ABI3BP: variants seen among roughly 807,000 people sequenced by gnomAD.
ABI3BP encodes the protein target of Nesh-SH3.
Under a neutral mutation model 268.6 loss-of-function variants are expected in ABI3BP, and 216 were observed. The observed-to-expected ratio is 0.80, with a 90% CI of 0.72 to 0.90. The LOEUF is 0.90. ABI3BP is among the 40% of genes least tolerant of loss of function. The pLI, the probability that ABI3BP is intolerant of heterozygous loss-of-function variation, is 0.00. For synonymous variants in ABI3BP, 730 were observed against 730.0 expected, an observed-to-expected ratio of 1.00 and a Z score of 0.00; for missense variants, 2,090 against 2,182.4, an observed-to-expected ratio of 0.96 and a Z score of 0.84.
At chr3:100,779,076 A>G (rs933913892) in intron 58 of ABI3BP, among the ~76,000 whole-genome samples, 1 of 152,194 alleles carries the variant, frequency 6.6e-6, no homozygotes, top group African/African-American at 2.4e-5. Context: ...TTTTAGTTTT[A>G]AATTGTTAAA....
intron 1 of ABI3BP, among the ~76,000 whole-genome samples, chr3:100,937,729 A>T (rs760806777): frequency 6.6e-6 from 1 of 152,076 alleles, no homozygotes; most frequent in African/African-American, 2.4e-5. Context: ...TGCTCTAAGA[A>T]CGGACAATGC....
chr3:100,762,217 A>G (rs2096007705), intron 63 of ABI3BP, among the ~76,000 whole-genome samples: 1 of 152,202 alleles, frequency 6.6e-6, no homozygotes, highest in Non-Finnish European at 1.5e-5. Context: ...TGGGTAGAAG[A>G]AACACAATGG....
intron 10 of ABI3BP, among the ~76,000 whole-genome samples, chr3:100,866,277 T>TC (rs919326436): frequency 1.3e-5 from 2 of 152,054 alleles, no homozygotes; most frequent in Admixed American, 1.3e-4. Flanking sequence ...GATTAATGCC[T>TC]CCCCCCTGGA....
chr3:100,902,767 A>G, intron 2 of ABI3BP, 81 bp from the exon 3 acceptor site: 1 of 1,154,376 alleles, frequency 8.7e-7, no homozygotes, highest in South Asian at 1.3e-5. Flanking sequence ...CTGATTCAGC[A>G]TTCCCTGAGT....
At chr3:100,776,457 G>A (rs945081045) in intron 59 of ABI3BP, among the ~76,000 whole-genome samples, 1 of 152,242 alleles carries the variant, frequency 6.6e-6, no homozygotes, top group Non-Finnish European at 1.5e-5. Flanking sequence ...TCATTCTGGT[G>A]AGGAGAGTGG....
At chr3:100,933,179 TTTATG>T (rs952744042) in intron 1 of ABI3BP, among the ~76,000 whole-genome samples, 4 of 151,972 alleles carry the variant, frequency 2.6e-5, no homozygotes, top group African/African-American at 9.7e-5. Flanking sequence ...CAATTATTAT[TTTATG>T]TTTTCAATGT....
At chr3:100,921,280 A>G (rs1330028461) in intron 2 of ABI3BP, among the ~76,000 whole-genome samples, 3 of 152,238 alleles carry the variant, frequency 2.0e-5, no homozygotes, top group African/African-American at 7.2e-5. Flanking sequence ...AGGATACTAA[A>G]GCAATTCTTC....
chr3:100,833,143 T>G lies in ABI3BP; in HGVS notation c.2296A>C (p.Thr766Pro). ...LQTKLDFGPI[T>P]PGTSSAPTTT... ...TCATTACCTGAAGATGTCCCAGGAG[T>G]AATAGGTCCAAAGTCTGTAGCAAGA... Residue 766 changes from threonine (T) to proline (P), a missense_variant, in exon 30 of 68, where the codon ACT becomes CCT. Thr to Pro is a conservative substitution (Grantham distance 38). Transcript: ENST00000471714. 1 of 1,534,526 alleles carries G rather than the reference T, an allele frequency of 6.5e-7. No homozygotes were observed. The highest frequency in any genetic ancestry group is 2.0e-5 in the Admixed American group (1 of 50,896).
intron 20 of ABI3BP, 76 bp from the exon 21 acceptor site, chr3:100,842,115 A>G (rs1191486705): frequency 3.2e-6 from 4 of 1,250,998 alleles, no homozygotes; most frequent in Non-Finnish European, 4.5e-6. Flanking sequence ...GTTCTTGACT[A>G]TAAACGGAGT....
intron 6 of ABI3BP, among the ~76,000 whole-genome samples, chr3:100,876,875 C>T (rs1370034114): frequency 6.6e-6 from 1 of 151,744 alleles, no homozygotes; most frequent in Admixed American, 6.6e-5. Flanking sequence ...GTAATCTCAG[C>T]TACTTGGGAG....
Position 100,749,597 on chromosome 3 carries a change from T to G in ABI3BP, c.*898A>C, listed in dbSNP as rs1177430066. On this transcript the variant is annotated 3_prime_UTR_variant, in exon 68 of 68. Transcript: ENST00000471714. ...AGACATTCTCTGATACATTCATTCA[T>G]AGAGGTCTTAACGTATAAATACATA... The G allele has an allele frequency of 2.5e-6, 1 of 398,186 alleles. No homozygotes were observed. Among genetic ancestry groups the G allele is most frequent in the African/African-American group, 2.1e-5 (1 of 48,554 alleles). The allele number at this position is 398,186 out of a possible 1,614,324, so 24.7% of individuals were successfully genotyped here. A position where few individuals can be genotyped will look rare whatever the true frequency, so the allele number is the denominator to read the frequency against.
intron 1 of ABI3BP, among the ~76,000 whole-genome samples, chr3:100,943,678 C>T (rs968818726): frequency 7.2e-5 from 11 of 152,086 alleles, no homozygotes; most frequent in Non-Finnish European, 1.3e-4. Context: ...CATGTAAGGT[C>T]TCTTGCACTT....
At chr3:100,862,714 A>G (rs756793272) in intron 13 of ABI3BP, 124 bp downstream of exon 13, 1 of 681,174 alleles carries the variant, frequency 1.5e-6, no homozygotes, top group Admixed American at 3.3e-5. Flanking sequence ...AATCAAATCA[A>G]CCATTTGTTT....
chr3:100,992,294 A>G (rs1246681664), intron 1 of ABI3BP, among the ~76,000 whole-genome samples: 1 of 152,156 alleles, frequency 6.6e-6, no homozygotes, highest in Non-Finnish European at 1.5e-5. Context: ...TTCACTTGGG[A>G]CAAGATGATC....
chr3:100,876,235 C>T (rs1318351592), intron 7 of ABI3BP, among the ~76,000 whole-genome samples: 1 of 152,154 alleles, frequency 6.6e-6, no homozygotes, highest in Non-Finnish European at 1.5e-5. Context: ...GGGCAAAGCT[C>T]CACATATTTA....
intron 57 of ABI3BP, among the ~76,000 whole-genome samples, chr3:100,781,490 G>T (rs114201638): frequency 1.0e-3 from 153 of 152,242 alleles, no homozygotes; most frequent in Non-Finnish European, 1.8e-3. Flanking sequence ...AATCTCATAG[G>T]CAGGCCACAG....
chr3:100,923,437 A>T (rs185181986), intron 2 of ABI3BP, among the ~76,000 whole-genome samples: 1 of 152,322 alleles, frequency 6.6e-6, no homozygotes, highest in East Asian at 1.9e-4. Flanking sequence ...ATTATAGTTA[A>T]CCAAAGTAAA....
At chr3:100,781,452 G>T (rs1165523050) in intron 57 of ABI3BP, among the ~76,000 whole-genome samples, 5 of 152,172 alleles carry the variant, frequency 3.3e-5, no homozygotes, top group African/African-American at 1.2e-4. Context: ...GGAAAAAAAT[G>T]TTTCTGGGGG....
In ABI3BP at chr3:100,866,893, G is replaced by A. The variant is rs756701394; in HGVS notation, c.974C>T (p.Ala325Val). Reference protein sequence around the residue: ...SKTPEVEKISARPTTVTPETV... With the variant: ...SKTPEVEKISVRPTTVTPETV... The stretch of plus-strand genomic sequence containing the variant: ...GATCTCATTACCTGTTGTGGGTCGT[G>A]CTGAGATTTTTTCAACCTCTGGTGT... The change falls in exon 10 of 68, where the codon GCA becomes GTA. Residue 325 changes from alanine (A) to valine (V), a missense_variant. Physicochemically the swap from Ala to Val is moderately conservative, Grantham distance 64. Transcript: ENST00000471714. 1.2e-6 allele frequency: 2 copies of A among 1,613,772 alleles called. No homozygotes were observed. The highest frequency in any genetic ancestry group is 1.7e-6 in the Non-Finnish European group (2 of 1,179,714).
Sources: gnomAD v4.1 joint callset for allele counts (sites outside exome capture counted in the v4.1 genomes callset) on GRCh38, gnomAD v4.1.1 for gene constraint, MANE v1.5 for transcripts, NCBI Gene and HGNC (gene_info 2026-07-23, HGNC 2026-07-21) for gene names.